The following RNPC3 variants were observed in gnomAD, a reference collection of about 807,000 sequenced individuals.
The protein encoded by RNPC3 is RNA-binding region-containing protein 3.
RNPC3 carries 48 observed loss-of-function variants against 67.5 expected under a neutral mutation model. The ratio of observed to expected loss-of-function variants is 0.71; its 90% CI spans 0.56 to 0.90. RNPC3 has a LOEUF of 0.90. Ranked by LOEUF, RNPC3 falls within the 40% of genes least tolerant of loss-of-function variation. The pLI, the probability that RNPC3 is intolerant of heterozygous loss-of-function variation, is 0.00. For synonymous variants in RNPC3, 239 were observed against 210.3 expected (o/e 1.14, Z -1.18); for missense variants, 637 against 626.1 (o/e 1.02, Z -0.19).
rs1557761887 is a variant in RNPC3 at position 103,550,948 on chromosome 1, A to G, written c.1369A>G (p.Ile457Val). 3 of 1,610,934 alleles carry G rather than the reference A, an allele frequency of 1.9e-6. No homozygotes were observed. Among genetic ancestry groups the G allele is most frequent in the South Asian group, 2.2e-5 (2 of 90,692 alleles). Residue 457 changes from isoleucine (I) to valine (V), a missense_variant, in exon 13 of 15, where the codon ATA (isoleucine) becomes GTA (valine). This residue lies in a region of RNPC3 where 96 missense variants were observed against 105.8 expected (regional missense o/e 0.91). Transcript: ENST00000423855. ...ACTGTTTCTTCCTTCTAGGTTTGAT[A>G]TACGTTTGATGAAAGAAGGTCGTAT... ...SSETQRIMFDIRLMKEGRMKG... is the reference protein window; with the variant it reads ...SSETQRIMFDVRLMKEGRMKG...
At chr1:103,550,557 C>T (rs985974934) in intron 12 of RNPC3, among the ~76,000 whole-genome samples, 8 of 146,286 alleles carry the variant, frequency 5.5e-5, no homozygotes, top group Non-Finnish European at 8.9e-5. Flanking sequence ...AGGAGAATGG[C>T]GTGAACCTGG....
intron 14 of RNPC3, chr1:103,552,865 G>C (rs1406941599): frequency 3.3e-5 from 5 of 152,060 alleles, no homozygotes; most frequent in Non-Finnish European, 5.9e-5. Flanking sequence ...TTTAAAACAG[G>C]TAATTTTAGT....
chr1:103,549,919 T>C (rs1029163008), intron 12 of RNPC3, among the ~76,000 whole-genome samples: 20 of 151,636 alleles, frequency 1.3e-4, no homozygotes, highest in African/African-American at 4.9e-4. Flanking sequence ...TCCTAGCACA[T>C]TGGGAGGCCG....
At chr1:103,543,645 C>T (rs1004764579) in intron 9 of RNPC3, among the ~76,000 whole-genome samples, 198 bp downstream of exon 9, 9 of 151,756 alleles carry the variant, frequency 5.9e-5, no homozygotes, top group African/African-American at 4.8e-5. Flanking sequence ...GAGATTGTCA[C>T]TGTTACCCTT....
Position 103,526,078 on chromosome 1 carries a change from C to T in RNPC3, c.8C>T (p.Ala3Val), listed in dbSNP as rs779542639. Reference protein sequence around the residue: MAAPEQPLAISRG... With the variant: MAVPEQPLAISRG... Reference sequence around the variant, plus strand: ...TTTGCTTCTCCAAGGAAAATGGCAGCTCCCGAGCAGCCGCTTGCGATATCA... The same window carrying T: ...TTTGCTTCTCCAAGGAAAATGGCAGTTCCCGAGCAGCCGCTTGCGATATCA... Residue 3 changes from alanine to valine, a missense_variant, in exon 1 of 15, where the codon GCT (alanine) becomes GTT (valine). By Grantham distance (64) the Ala-to-Val change is moderately conservative. Transcript: ENST00000423855. 1.6e-5 allele frequency: 24 copies of T among 1,532,886 alleles called. No individual in the cohort carries two copies. The highest frequency in any genetic ancestry group is 2.1e-5 in the Non-Finnish European group (24 of 1,135,820). The allele number at this position is 1,532,886 out of a possible 1,614,324, so 95.0% of individuals were successfully genotyped here. A position where few individuals can be genotyped will look rare whatever the true frequency, so the allele number is the denominator to read the frequency against.
intron 9 of RNPC3, 94 bp downstream of exon 9, chr1:103,543,541 A>C: frequency 8.3e-6 from 8 of 966,538 alleles, no homozygotes; most frequent in Non-Finnish European, 1.1e-5. Flanking sequence ...GTATTTGTCA[A>C]CTTTATTTAA....
Position 103,541,342 on chromosome 1 carries a change from C to A in RNPC3, c.768-8C>A. 6.7e-7 allele frequency: 1 copy of A among 1,503,200 alleles called. No homozygotes were observed. The highest frequency in any genetic ancestry group is 8.8e-7 in the Non-Finnish European group (1 of 1,134,754). The allele number at this position is 1,503,200 out of a possible 1,614,324, so 93.1% of individuals were successfully genotyped here. The stretch of plus-strand genomic sequence containing the variant: ...AAATTTTGTTTATCATCCCTCTCCT[C>A]ATTGTAGAATGAACAAATTAATGGA... On this transcript the variant is annotated splice_polypyrimidine_tract_variant and splice_region_variant and intron_variant, in intron 7 of 14. Transcript: ENST00000423855.
At chr1:103,527,795 C>T in intron 2 of RNPC3, 53 bp downstream of exon 2, 1 of 1,300,324 alleles carries the variant, frequency 7.7e-7, no homozygotes, top group Non-Finnish European at 1.1e-6. Context: ...CTTATACAAT[C>T]TTGGTTCAGA....
rs561151781 is a variant in RNPC3 at position 103,531,699 on chromosome 1, G to A, written c.241-2040G>A. On this transcript the variant is annotated intron_variant, in intron 2 of 14. Coordinates refer to ENST00000423855, the MANE Select transcript of RNPC3 (RefSeq NM_017619.4). ...CCATGGGATTGTTTTTTTTCTTGCTGATTTGTTTGGATTCCTTGTAGATTC... is the reference window on the plus strand; with the variant it reads ...CCATGGGATTGTTTTTTTTCTTGCTAATTTGTTTGGATTCCTTGTAGATTC... Among the ~76,000 whole-genome samples, 5 of 151,872 alleles carry A rather than the reference G, an allele frequency of 3.3e-5. No individual in the cohort carries two copies. In the East Asian group the frequency reaches 9.7e-4, roughly 29 times the overall value.
chr1:103,530,538 G>A (rs995107938), intron 2 of RNPC3, among the ~76,000 whole-genome samples: 3 of 152,184 alleles, frequency 2.0e-5, no homozygotes, highest in African/African-American at 7.2e-5. Flanking sequence ...GGGAGCAGGA[G>A]TGGGAGTGAT....
At chr1:103,529,220 C>T (rs1366900064) in intron 2 of RNPC3, among the ~76,000 whole-genome samples, 1 of 152,046 alleles carries the variant, frequency 6.6e-6, no homozygotes, top group Non-Finnish European at 1.5e-5. Context: ...AGAGGGCTTT[C>T]ATATTATATT....
At chr1:103,545,744 A>G (rs1400064913) in intron 10 of RNPC3, 1 of 152,334 alleles carries the variant, frequency 6.6e-6, no homozygotes, top group African/African-American at 2.4e-5. Context: ...TTTGTCTGAG[A>G]TGCCTGATAC....
intron 7 of RNPC3, among the ~76,000 whole-genome samples, chr1:103,539,628 G>A (rs2101047430): frequency 6.6e-6 from 1 of 152,304 alleles, no homozygotes; most frequent in South Asian, 2.1e-4. Flanking sequence ...AATTCTGCCA[G>A]TAATTCATCT....
intron 2 of RNPC3, among the ~76,000 whole-genome samples, chr1:103,530,130 G>A (rs1319168469): frequency 6.8e-6 from 1 of 147,112 alleles, no homozygotes; most frequent in African/African-American, 2.6e-5. Flanking sequence ...GTACTTTCAT[G>A]TGTTCAAAAA....
chr1:103,551,128 T>C lies in RNPC3; in HGVS notation c.1494+55T>C, dbSNP rs1651378470. The C allele has an allele frequency of 2.1e-6, 3 of 1,410,120 alleles. No individual in the cohort carries two copies. The Admixed American group carries it at 8.1e-5, about 38-fold the overall frequency. The allele number at this position is 1,410,120 out of a possible 1,614,324, so 87.4% of individuals were successfully genotyped here. Reference sequence around the variant, plus strand: ...TATATAATTTTTAGAAGGATATAACTGAAATTAATTTTCATGTTACCCTTT... The same window carrying C: ...TATATAATTTTTAGAAGGATATAACCGAAATTAATTTTCATGTTACCCTTT... On this transcript the variant is annotated intron_variant, in intron 13 of 14. Transcript: ENST00000423855.
At chr1:103,551,238 T>C in intron 13 of RNPC3, 165 bp downstream of exon 13, 1 of 585,020 alleles carries the variant, frequency 1.7e-6, no homozygotes, top group Admixed American at 3.6e-5. Context: ...GACAGTGTTA[T>C]TTAGATTTTT....
intron 7 of RNPC3, among the ~76,000 whole-genome samples, chr1:103,540,317 C>T (rs1651094276): frequency 6.6e-6 from 1 of 152,032 alleles, no homozygotes; most frequent in South Asian, 2.1e-4. Flanking sequence ...GTGTCTCATC[C>T]CCAAGAGATC....
chr1:103,542,580 T>G (rs1045067981), intron 8 of RNPC3, among the ~76,000 whole-genome samples: 3 of 151,966 alleles, frequency 2.0e-5, no homozygotes, highest in Non-Finnish European at 1.5e-5. Context: ...TATCCAAGAA[T>G]GTTAGTAGAT....
At chr1:103,533,909 T>A (rs1650923908) in intron 3 of RNPC3, 52 bp downstream of exon 3, 2 of 965,772 alleles carry the variant, frequency 2.1e-6, no homozygotes, top group Non-Finnish European at 3.2e-6. Context: ...AAGTGTGTGT[T>A]TTTTTAAATC....
Sources: gnomAD v4.1 joint callset for allele counts (sites outside exome capture counted in the v4.1 genomes callset) on GRCh38, gnomAD v4.1.1 for gene constraint, gnomAD v4.1.1 regional missense constraint, MANE v1.5 for transcripts, NCBI Gene and HGNC (gene_info 2026-07-23, HGNC 2026-07-21) for gene names.